Variants in SLC35E1 observed in about 807,000 individuals in gnomAD.
SLC35E1 encodes the protein solute carrier family 35, member E1.
In SLC35E1, 12 loss-of-function variants were observed where a neutral mutation model predicts 31.0. That is an observed-to-expected ratio of 0.39 (90% CI 0.25 to 0.63). SLC35E1 has a LOEUF of 0.63. Ranked by LOEUF, SLC35E1 falls within the 20% of genes least tolerant of loss-of-function variation. The pLI is 0.52. For synonymous variants in SLC35E1, 257 were observed against 264.1 expected, an observed-to-expected ratio of 0.97 and a Z score of 0.26; for missense variants, 429 against 572.2, an observed-to-expected ratio of 0.75 and a Z score of 2.55.
intron 5 of SLC35E1, among the ~76,000 whole-genome samples, chr19:16,554,598 A>G (rs1328780969): frequency 6.6e-6 from 1 of 152,158 alleles, no homozygotes; most frequent in Non-Finnish European, 1.5e-5. Context: ...AGGCAGGTGG[A>G]TCAACTGAGG....
At chr19:16,558,474 C>A (rs553706568) in intron 4 of SLC35E1, among the ~76,000 whole-genome samples, 7 of 151,520 alleles carry the variant, frequency 4.6e-5, no homozygotes, top group Non-Finnish European at 2.9e-5. Context: ...GTAGCTGGGA[C>A]TACAGGTGTG....
chr19:16,564,747 A>T (rs141627423), intron 4 of SLC35E1, among the ~76,000 whole-genome samples: 41 of 152,370 alleles, frequency 2.7e-4, no homozygotes, highest in African/African-American at 9.9e-4. Flanking sequence ...ATTTGGAGTA[A>T]GCTCCAACTC....
At chr19:16,564,446 C>T (rs561485917) in intron 4 of SLC35E1, among the ~76,000 whole-genome samples, 1 of 152,230 alleles carries the variant, frequency 6.6e-6, no homozygotes, top group East Asian at 1.9e-4. Flanking sequence ...GCTGGGATTA[C>T]AGGCGTGCAC....
At chr19:16,571,090 C>T (rs551075837) in intron 2 of SLC35E1, among the ~76,000 whole-genome samples, 1 of 146,660 alleles carries the variant, frequency 6.8e-6, no homozygotes, top group Admixed American at 6.8e-5. Context: ...AGTAAAACTC[C>T]GTCTCAAAAA....
Position 16,553,143 on chromosome 19 carries a change from T to C in SLC35E1, c.*536A>G, listed in dbSNP as rs2085854148. On this transcript the variant is annotated 3_prime_UTR_variant, in exon 6 of 6. Transcript: ENST00000595753. Reference sequence around the variant, plus strand: ...TCCATCTCTGTGGCTGGGGATGTTTTGAATGATTCTCGCGGGCTCCCTGTC... The same window carrying C: ...TCCATCTCTGTGGCTGGGGATGTTTCGAATGATTCTCGCGGGCTCCCTGTC... The C allele has an allele frequency of 6.6e-6, 1 of 152,292 alleles. No homozygotes were observed. The highest frequency in any genetic ancestry group is 2.1e-4 in the South Asian group (1 of 4,838). 9.4% of individuals were successfully genotyped at this position (152,292 alleles called of 1,614,324 possible). A position where few individuals can be genotyped will look rare whatever the true frequency, so the allele number is the denominator to read the frequency against.
At chr19:16,566,238 T>C (rs2085931662) in intron 4 of SLC35E1, 2 of 352,826 alleles carry the variant, frequency 5.7e-6, no homozygotes, top group African/African-American at 2.1e-5. Flanking sequence ...ATCTGGACTA[T>C]ACTGTCAGGA....
Position 16,572,379 on chromosome 19 carries a change from C to A in SLC35E1, c.-15G>T, listed in dbSNP as rs1052366025. On this transcript the variant is annotated 5_prime_UTR_variant, in exon 1 of 6. Coordinates refer to ENST00000595753, the MANE Select transcript of SLC35E1 (RefSeq NM_024881.5). The surrounding 1 kb of genome is among the most constrained non-coding windows in gnomAD (Gnocchi z 4.1). ...GCCGCCGCCATCCTGCCCGAGCGGC[C>A]GCCCCTTCCAGCCCGTCCGACGGCC... is the stretch of plus-strand genomic sequence containing the variant. The A allele has an allele frequency of 5.0e-6, 5 of 1,000,190 alleles. No homozygotes were observed. The South Asian group carries it at 1.3e-4, about 27-fold the overall frequency. The allele number at this position is 1,000,190 out of a possible 1,614,324, so 62.0% of individuals were successfully genotyped here.
At chr19:16,567,253 T>G (rs1379111821) in intron 3 of SLC35E1, among the ~76,000 whole-genome samples, 1 of 152,194 alleles carries the variant, frequency 6.6e-6, no homozygotes, top group Non-Finnish European at 1.5e-5. Context: ...ACTCCTAGCC[T>G]CAAGTGATCC....
Position 16,551,369 on chromosome 19 carries a change from T to C in SLC35E1, c.*2310A>G, listed in dbSNP as rs573907545. Reference sequence around the variant, plus strand: ...CAGTCACCTCTTCAGGAGTGTCCCATGTGTCAGCTGACATAACATCTTAAA... The same window carrying C: ...CAGTCACCTCTTCAGGAGTGTCCCACGTGTCAGCTGACATAACATCTTAAA... On this transcript the variant is annotated 3_prime_UTR_variant, in exon 6 of 6. Transcript: ENST00000595753. 3 of 152,274 alleles carry C rather than the reference T, an allele frequency of 2.0e-5. No individual in the cohort carries two copies. Among genetic ancestry groups the C allele is most frequent in the South Asian group, 2.1e-4 (1 of 4,826 alleles). 9.4% of individuals were successfully genotyped at this position (152,274 alleles called of 1,614,324 possible).
intron 4 of SLC35E1, among the ~76,000 whole-genome samples, chr19:16,564,784 G>T (rs556283316): frequency 1.3e-5 from 2 of 152,164 alleles, no homozygotes; most frequent in Non-Finnish European, 2.9e-5. Context: ...GTCATCAAAA[G>T]GAACAGTTAA....
chr19:16,571,857 C>A, intron 1 of SLC35E1, 87 bp downstream of exon 1: 2 of 1,366,986 alleles, frequency 1.5e-6, no homozygotes, highest in East Asian at 2.5e-5. Flanking sequence ...CGGCGGGACG[C>A]GCCCCGGGCG....
In SLC35E1 at chr19:16,568,082, C is replaced by T. The variant is rs779346314; in HGVS notation, c.580G>A (p.Ala194Thr). The change falls in exon 3 of 6, where the codon GCC (alanine) becomes ACC (threonine). Residue 194 changes from alanine (A) to threonine (T), a missense_variant. Transcript: ENST00000595753. ...LSFDMWGLVS[A>T]LAATLCFSLQ... Reference sequence around the variant, plus strand: ...GAGAAGCACAGCGTGGCGGCGAGGGCGCTGACGAGTCCCCACATGTCAAAA... The same window carrying T: ...GAGAAGCACAGCGTGGCGGCGAGGGTGCTGACGAGTCCCCACATGTCAAAA... 5.6e-6 allele frequency: 9 copies of T among 1,613,606 alleles called. No homozygotes were observed. Among genetic ancestry groups the T allele is most frequent in the Middle Eastern group, 1.6e-4 (1 of 6,082 alleles).
chr19:16,559,212 A>C (rs2085891820), intron 4 of SLC35E1, among the ~76,000 whole-genome samples: 1 of 151,960 alleles, frequency 6.6e-6, no homozygotes, highest in South Asian at 2.1e-4. Flanking sequence ...GTTGCTCGGG[A>C]GGCTGAGGTA....
Position 16,554,776 on chromosome 19 carries a change from C to G in SLC35E1, c.1002+376G>C, listed in dbSNP as rs143809568. ...GAGGTTGCAGTAAGCTGGGATGGAGCGCCACTGCAATCCAGCCTGGGTGAC... is the reference window on the plus strand; with the variant it reads ...GAGGTTGCAGTAAGCTGGGATGGAGGGCCACTGCAATCCAGCCTGGGTGAC... On this transcript the variant is annotated intron_variant, in intron 5 of 5. Coordinates refer to ENST00000595753, the MANE Select transcript of SLC35E1 (RefSeq NM_024881.5). Among the ~76,000 whole-genome samples the G allele has an allele frequency of 1.6e-4, 23 of 145,230 alleles. 1 individual carries two copies. Among genetic ancestry groups the G allele is most frequent in the African/African-American group, 5.4e-4 (21 of 39,016 alleles).
At chr19:16,565,031 A>G in intron 4 of SLC35E1, 1 of 443,308 alleles carries the variant, frequency 2.3e-6, no homozygotes. Context: ...CTCAATAAAT[A>G]TTTACTTTTC....
At chr19:16,562,886 T>C (rs1474841210) in intron 4 of SLC35E1, among the ~76,000 whole-genome samples, 4 of 152,154 alleles carry the variant, frequency 2.6e-5, no homozygotes, top group Non-Finnish European at 5.9e-5. Context: ...TTTTTGGTTT[T>C]GTTTTACGTA....
At chr19:16,567,983 C>G (rs372191407) in intron 3 of SLC35E1, 49 bp downstream of exon 3, 130 of 1,487,920 alleles carry the variant, frequency 8.7e-5, no homozygotes, top group Non-Finnish European at 1.1e-4. Flanking sequence ...AGTTTGCTGC[C>G]CGCACACCCC....
Position 16,571,585 on chromosome 19 carries a change from G to A in SLC35E1, c.422-3C>T. ...CCAGATGGGCATGGTGGCCTTGACT[G>A]CAAAGAGAGGGATGGGCACTCAGGG... is the stretch of plus-strand genomic sequence containing the variant. On this transcript the variant is annotated splice_polypyrimidine_tract_variant and splice_region_variant and intron_variant, in intron 1 of 5. Transcript: ENST00000595753. 6.2e-7 allele frequency: 1 copy of A among 1,613,696 alleles called. No individual in the cohort carries two copies. Among genetic ancestry groups the A allele is most frequent in the Non-Finnish European group, 8.5e-7 (1 of 1,179,914 alleles).
chr19:16,568,108 G>A lies in SLC35E1; in HGVS notation c.554C>T (p.Ser185Phe). The stretch of plus-strand genomic sequence containing the variant: ...GCTGACGAGTCCCCACATGTCAAAA[G>A]ACAACTCGGTGACGGTGGCCAGCAG... Reference protein sequence around the residue: ...GVLLATVTELSFDMWGLVSAL... With the variant: ...GVLLATVTELFFDMWGLVSAL... Residue 185 changes from serine (S) to phenylalanine (F), a missense_variant, in exon 3 of 6, where the codon TCT (serine) becomes TTT (phenylalanine). Transcript: ENST00000595753. The A allele has an allele frequency of 6.2e-7, 1 of 1,613,826 alleles. No individual in the cohort carries two copies. Among genetic ancestry groups the A allele is most frequent in the Non-Finnish European group, 8.5e-7 (1 of 1,179,948 alleles).
Sources: allele counts gnomAD v4.1 joint callset (sites outside exome capture counted in the v4.1 genomes callset), GRCh38; gene constraint gnomAD v4.1.1; non-coding constraint Gnocchi (gnomAD v3.1); transcripts MANE v1.5; gene names NCBI Gene and HGNC (gene_info 2026-07-23, HGNC 2026-07-21).